Variants in TMEM164 observed in about 807,000 individuals in gnomAD.
The protein encoded by TMEM164 is RP13-360B22.2.
A neutral mutation model predicts 18.8 loss-of-function variants in TMEM164; 4 were observed. The observed-to-expected ratio is 0.21, with a 90% confidence interval of 0.10 to 0.49. TMEM164 has a LOEUF of 0.49. Ranked by LOEUF, TMEM164 falls within the 20% of genes least tolerant of loss-of-function variation. TMEM164 has a pLI of 0.98. For missense variants in TMEM164, 108 were observed against 239.9 expected, an observed-to-expected ratio of 0.45 and a Z score of 3.63; for synonymous variants, 86 against 101.7, an observed-to-expected ratio of 0.85 and a Z score of 0.93.
At chrX:110,112,717 G>T (rs1263642729) in intron 4 of TMEM164, among the ~76,000 whole-genome samples, 7 of 111,697 alleles carry the variant, frequency 6.3e-5, no homozygotes, top group Admixed American at 9.5e-5. Context: ...TCTTTGGTTT[G>T]CAGATGGCCA....
intron 3 of TMEM164, among the ~76,000 whole-genome samples, chrX:110,105,731 C>CACACACAG (rs2066185003): frequency 1.2e-5 from 1 of 86,714 alleles, no homozygotes; most frequent in African/African-American, 4.5e-5. Flanking sequence ...GACACACACA[C>CACACACAG]AGAGAGAGAG....
chrX:110,103,031 AGAATCAAAACCATGG>A (rs2066134996), intron 3 of TMEM164, among the ~76,000 whole-genome samples: 1 of 112,650 alleles, frequency 8.9e-6, no homozygotes, highest in South Asian at 3.6e-4. Flanking sequence ...GATCTAGAAG[AGAATCAAAACCATGG>A]TGCTTGCCAT....
intron 5 of TMEM164, among the ~76,000 whole-genome samples, chrX:110,152,261 G>C (rs1402001657): frequency 4.6e-5 from 5 of 109,199 alleles, no homozygotes; most frequent in Non-Finnish European, 9.5e-5. Context: ...TCACCATGTT[G>C]GCCAGGATGG....
chrX:110,148,471 A>G (rs763291678), intron 5 of TMEM164, among the ~76,000 whole-genome samples: 100 of 110,401 alleles, frequency 9.1e-4, no homozygotes, highest in African/African-American at 3.1e-3. Context: ...GCCTCATTCT[A>G]TCAATTAATC....
chrX:110,129,765 C>T (rs1213185568), intron 4 of TMEM164, among the ~76,000 whole-genome samples: 1 of 111,725 alleles, frequency 9.0e-6, no homozygotes, highest in Non-Finnish European at 1.9e-5. Context: ...TGTCAGTGCT[C>T]TCCTGAAATA....
intron 5 of TMEM164, among the ~76,000 whole-genome samples, chrX:110,149,962 T>C (rs996328856): frequency 8.9e-6 from 1 of 111,899 alleles, no homozygotes; most frequent in African/African-American, 3.2e-5. Flanking sequence ...GGATCCAGAC[T>C]GACCACTGGG....
chrX:110,026,819 C>T lies in TMEM164; in HGVS notation c.390+22655C>T, dbSNP rs1022013888. The stretch of plus-strand genomic sequence containing the variant: ...CCTTTGGTTTCCTTTTTTAACTTAA[C>T]ATGTTATAATTTTGTAACTGCTGGT... On this transcript the variant is annotated intron_variant, in intron 2 of 6. Transcript: ENST00000372068. Among the ~76,000 whole-genome samples, 4 of 111,798 alleles carry T rather than the reference C, an allele frequency of 3.6e-5. No individual in the cohort carries two copies. In the Admixed American group the frequency reaches 3.8e-4, roughly 11 times the overall value.
chrX:110,120,391 T>C (rs936066767), intron 4 of TMEM164, among the ~76,000 whole-genome samples: 1 of 112,435 alleles, frequency 8.9e-6, no homozygotes, highest in Non-Finnish European at 1.9e-5. Flanking sequence ...TGTGGATCAG[T>C]GGTTCTCAAC....
intron 5 of TMEM164, among the ~76,000 whole-genome samples, chrX:110,158,975 A>G (rs1025991975): frequency 2.7e-5 from 3 of 112,193 alleles, no homozygotes; most frequent in Non-Finnish European, 5.6e-5. Context: ...AAATGACTTA[A>G]TGTATTAATA....
At chrX:110,078,976 TA>T (rs2065713031) in intron 3 of TMEM164, among the ~76,000 whole-genome samples, 1 of 112,193 alleles carries the variant, frequency 8.9e-6, no homozygotes, top group Non-Finnish European at 1.9e-5. Context: ...AATTCATCCC[TA>T]AAGAATGCAA....
At chrX:110,168,193 C>G (rs2148127393) in intron 5 of TMEM164, among the ~76,000 whole-genome samples, 1 of 112,951 alleles carries the variant, frequency 8.9e-6, no homozygotes, top group African/African-American at 3.2e-5. Flanking sequence ...TCCTCTTCCC[C>G]TGTATGCCCA....
intron 2 of TMEM164, among the ~76,000 whole-genome samples, chrX:110,013,478 T>G (rs921827680): frequency 8.0e-5 from 9 of 112,307 alleles, no homozygotes; most frequent in Middle Eastern, 4.2e-3. Context: ...TCTTCTTTTC[T>G]TAACATTAAT....
intron 4 of TMEM164, among the ~76,000 whole-genome samples, chrX:110,114,033 T>A (rs1278682886): frequency 8.9e-6 from 1 of 111,895 alleles, no homozygotes; most frequent in Non-Finnish European, 1.9e-5. Flanking sequence ...TCTGATGTCA[T>A]CTTATCTTCC....
At position 110,052,800 on chromosome X, in the gene TMEM164, GAGTGC is replaced by G. The variant is rs1215664828; in HGVS notation, c.391-14542_391-14538del. Among the ~76,000 whole-genome samples, 3 of 98,360 alleles carry G rather than the reference GAGTGC, an allele frequency of 3.1e-5. No homozygotes were observed. The East Asian group carries it at 9.3e-4, about 30-fold the overall frequency. 85.4% of individuals were successfully genotyped at this position (98,360 alleles called of 115,157 possible). A position where few individuals can be genotyped will look rare whatever the true frequency, so the allele number is the denominator to read the frequency against. On this transcript the variant is annotated intron_variant, in intron 2 of 6. Transcript: ENST00000372068. ...GAGTCTTGCTCTGTCGCATAGGCTG[GAGTGC>G]AGTGGCGCCATCTTGGCTGACTGCA...
At chrX:110,049,235 T>C (rs1177526085) in intron 2 of TMEM164, among the ~76,000 whole-genome samples, 1 of 111,512 alleles carries the variant, frequency 9.0e-6, no homozygotes, top group Non-Finnish European at 1.9e-5. Context: ...ATTGTGACTC[T>C]TGGGGGTTTC....
chrX:110,115,360 G>C (rs1038409300), intron 4 of TMEM164, among the ~76,000 whole-genome samples: 1 of 112,006 alleles, frequency 8.9e-6, no homozygotes, highest in Non-Finnish European at 1.9e-5. Flanking sequence ...ACAAAGCTTG[G>C]TTTCAAAAGA....
At chrX:110,151,409 TA>T (rs1165495844) in intron 5 of TMEM164, among the ~76,000 whole-genome samples, 40 of 107,140 alleles carry the variant, frequency 3.7e-4, no homozygotes, top group South Asian at 7.8e-4. Context: ...TCTGATGGGT[TA>T]AAAAAAAAAG....
At chrX:110,072,746 A>G (rs1294660841) in intron 3 of TMEM164, among the ~76,000 whole-genome samples, 1 of 109,295 alleles carries the variant, frequency 9.1e-6, no homozygotes, top group Non-Finnish European at 1.9e-5. Flanking sequence ...TTCAGCTTTT[A>G]TCTTCATTAA....
chrX:110,179,672 G>A (rs1026333005), downstream of TMEM164, among the ~76,000 whole-genome samples: 1 of 112,119 alleles, frequency 8.9e-6, no homozygotes, highest in East Asian at 2.8e-4. Context: ...TTAGGTGCCA[G>A]TCCACTTTGC....
Sources: gnomAD v4.1 joint callset for allele counts (sites outside exome capture counted in the v4.1 genomes callset) on GRCh38, gnomAD v4.1.1 for gene constraint, MANE v1.5 for transcripts, NCBI Gene and HGNC (gene_info 2026-07-23, HGNC 2026-07-21) for gene names.